RANBP10: variants seen among roughly 807,000 people sequenced by gnomAD.
RANBP10 encodes the protein ran-binding protein 10.
A neutral mutation model predicts 72.8 loss-of-function variants in RANBP10; 24 were observed. The observed-to-expected ratio is 0.33, with a 90% CI of 0.24 to 0.46. The LOEUF (loss-of-function observed/expected upper bound fraction) is 0.46. Among genes scored for constraint, RANBP10 ranks in the 20% least tolerant of loss-of-function variants. The probability of loss-of-function intolerance (pLI) is 1.00; values close to 1 mark genes in which losing one functional copy is unlikely to be tolerated. For missense variants in RANBP10, 679 were observed against 817.5 expected, an observed-to-expected ratio of 0.83 and a Z score of 2.07; for synonymous variants, 310 against 322.3, an observed-to-expected ratio of 0.96 and a Z score of 0.41.
At chr16:67,755,180 C>A (rs1007699459) in intron 3 of RANBP10, among the ~76,000 whole-genome samples, 4 of 152,164 alleles carry the variant, frequency 2.6e-5, no homozygotes, top group East Asian at 1.9e-4. Context: ...GGGTGAGCAG[C>A]CCCTCCAGCC....
At chr16:67,786,889 T>G (rs2054926492) in intron 2 of RANBP10, among the ~76,000 whole-genome samples, 1 of 151,332 alleles carries the variant, frequency 6.6e-6, no homozygotes, top group Admixed American at 6.6e-5. Flanking sequence ...ATCAAGCCAT[T>G]GCACTCCAGC....
chr16:67,741,325 G>GGAGAAT (rs1048750951), intron 4 of RANBP10, among the ~76,000 whole-genome samples: 1 of 152,154 alleles, frequency 6.6e-6, no homozygotes, highest in African/African-American at 2.4e-5. Context: ...GGTGCTTCCA[G>GGAGAAT]GAGAATGAGG....
intron 5 of RANBP10, among the ~76,000 whole-genome samples, chr16:67,736,322 C>A (rs1380720444): frequency 2.0e-5 from 3 of 152,138 alleles, no homozygotes; most frequent in Non-Finnish European, 2.9e-5. Context: ...CCACCACGCC[C>A]GGCTAATTTT....
chr16:67,776,732 A>G (rs1336297806), intron 2 of RANBP10, among the ~76,000 whole-genome samples: 1 of 151,024 alleles, frequency 6.6e-6, no homozygotes, highest in Non-Finnish European at 1.5e-5. Flanking sequence ...AGATCGAGCC[A>G]CTGCACTCCA....
chr16:67,794,079 C>T (rs1017123821), intron 2 of RANBP10, among the ~76,000 whole-genome samples: 3 of 152,058 alleles, frequency 2.0e-5, no homozygotes, highest in Middle Eastern at 3.2e-3. Context: ...GTGGGGGTCT[C>T]ACTATGTTGT....
intron 2 of RANBP10, among the ~76,000 whole-genome samples, chr16:67,781,500 T>C (rs1242909909): frequency 6.6e-6 from 1 of 152,146 alleles, no homozygotes; most frequent in African/African-American, 2.4e-5. Flanking sequence ...CTGCAGGATA[T>C]ATTTCAGGAG....
intron 4 of RANBP10, 181 bp downstream of exon 4, chr16:67,744,107 G>A (rs1050144224): frequency 1.1e-5 from 11 of 985,426 alleles, no homozygotes; most frequent in Non-Finnish European, 1.3e-5. Flanking sequence ...CTGACTGGCT[G>A]GATGAACAAA....
intron 3 of RANBP10, among the ~76,000 whole-genome samples, chr16:67,769,443 C>CTAAAAAAAAAAAA (rs2054564779): frequency 3.3e-5 from 1 of 30,280 alleles, no homozygotes. Context: ...GACCCTGTCT[C>CTAAAAAAAAAAAA]AAAAAAAAAA....
chr16:67,760,909 C>T (rs1256232383), intron 3 of RANBP10, among the ~76,000 whole-genome samples: 1 of 152,122 alleles, frequency 6.6e-6, no homozygotes, highest in Non-Finnish European at 1.5e-5. Context: ...TTTCTCCCAC[C>T]CCCTTAAAGT....
intron 2 of RANBP10, among the ~76,000 whole-genome samples, chr16:67,776,093 C>A (rs1218248836): frequency 6.7e-6 from 1 of 149,352 alleles, no homozygotes; most frequent in African/African-American, 2.5e-5. Context: ...TGCAGTGAGC[C>A]GAGATCACAC....
intron 2 of RANBP10, among the ~76,000 whole-genome samples, chr16:67,779,830 G>A (rs777089476): frequency 2.0e-5 from 3 of 152,196 alleles, no homozygotes; most frequent in Non-Finnish European, 4.4e-5. Context: ...GCAAGCCAGA[G>A]AGTCAAGGTG....
At chr16:67,773,564 G>T (rs1487942466) in intron 2 of RANBP10, among the ~76,000 whole-genome samples, 1 of 152,094 alleles carries the variant, frequency 6.6e-6, no homozygotes, top group Non-Finnish European at 1.5e-5. Flanking sequence ...CAAAATAAAG[G>T]GTCAGGCAGG....
intron 3 of RANBP10, among the ~76,000 whole-genome samples, chr16:67,763,007 CAAG>C (rs2054428113): frequency 6.6e-6 from 1 of 152,162 alleles, no homozygotes; most frequent in African/African-American, 2.4e-5. Context: ...AGTCCCAGGG[CAAG>C]AAGGACATCT....
chr16:67,726,473 G>A lies in RANBP10; in HGVS notation c.1818C>T (p.Gly606=), dbSNP rs778114830. 1 of 1,606,410 alleles carries A rather than the reference G, an allele frequency of 6.2e-7. No individual in the cohort carries two copies. Among genetic ancestry groups the A allele is most frequent in the Non-Finnish European group, 8.5e-7 (1 of 1,176,452 alleles). ...SECLRLMARA[G]LGSCSFARVD... Reference sequence around the variant, plus strand: ...CTCTGGCAAAGGAGCAAGAACCCAGGCCTGCTCGGGCCATGAGCCGGAGAC... The same window carrying A: ...CTCTGGCAAAGGAGCAAGAACCCAGACCTGCTCGGGCCATGAGCCGGAGAC... The change falls in exon 14 of 14, where the codon GGC becomes GGT. Residue 606 remains glycine, a synonymous_variant. Coordinates refer to ENST00000317506, the MANE Select transcript of RANBP10 (RefSeq NM_020850.3).
intron 3 of RANBP10, among the ~76,000 whole-genome samples, chr16:67,766,521 C>A (rs1020106063): frequency 1.3e-5 from 2 of 152,074 alleles, no homozygotes; most frequent in African/African-American, 4.8e-5. Flanking sequence ...CACATGAGAT[C>A]TGGTTGTTTG....
intron 2 of RANBP10, among the ~76,000 whole-genome samples, chr16:67,801,301 C>T (rs1250691004): frequency 2.6e-5 from 4 of 152,108 alleles, no homozygotes; most frequent in Admixed American, 2.6e-4. Flanking sequence ...CAGCTCTGTC[C>T]CCTAACATTG....
At chr16:67,761,655 C>T (rs2054396508) in intron 3 of RANBP10, among the ~76,000 whole-genome samples, 1 of 152,138 alleles carries the variant, frequency 6.6e-6, no homozygotes, top group Non-Finnish European at 1.5e-5. Flanking sequence ...CTGCAACCTC[C>T]ACGTCCTGGG....
intron 2 of RANBP10, among the ~76,000 whole-genome samples, chr16:67,786,536 C>T (rs1356293703): frequency 6.6e-6 from 1 of 152,118 alleles, no homozygotes; most frequent in Admixed American, 6.6e-5. Context: ...TAGCCACATA[C>T]AATAAGCACA....
chr16:67,760,962 A>G (rs2054384701), intron 3 of RANBP10, among the ~76,000 whole-genome samples: 1 of 152,038 alleles, frequency 6.6e-6, no homozygotes, highest in Non-Finnish European at 1.5e-5. Flanking sequence ...CTCCATCAAC[A>G]ACCCTGACTT....
Sources: gnomAD v4.1 joint callset for allele counts (sites outside exome capture counted in the v4.1 genomes callset) on GRCh38, gnomAD v4.1.1 for gene constraint, MANE v1.5 for transcripts, NCBI Gene and HGNC (gene_info 2026-07-23, HGNC 2026-07-21) for gene names.